TBC1D23: variants seen among roughly 807,000 people sequenced by gnomAD.
TBC1D23 encodes the protein TBC1 domain family member 23.
Under a neutral mutation model 91.4 loss-of-function variants are expected in TBC1D23, and 55 were observed. The observed-to-expected ratio is 0.60, with a 90% CI of 0.48 to 0.75. TBC1D23 has a LOEUF of 0.75. Ranked by LOEUF, TBC1D23 falls within the 30% of genes least tolerant of loss-of-function variation. The pLI, the probability that TBC1D23 is intolerant of heterozygous loss-of-function variation, is 0.00. For missense variants in TBC1D23, 725 were observed against 836.1 expected (o/e 0.87, Z 1.64); for synonymous variants, 289 against 281.0 (o/e 1.03, Z -0.28).
In TBC1D23 at chr3:100,272,327, C is replaced by T. The variant is rs568636402; in HGVS notation, c.54-7322C>T. On this transcript the variant is annotated intron_variant, in intron 1 of 18. Transcript: ENST00000394144. ...TTTCTTAAGTAGCAGTTACTTAATA[C>T]GCTAGAGAAGTAATATGTTTGAGAA... 5.9e-5 allele frequency among the ~76,000 whole-genome samples: 9 copies of T among 152,210 alleles called. No homozygotes were observed. The South Asian group carries it at 8.3e-4, about 14-fold the overall frequency.
intron 4 of TBC1D23, among the ~76,000 whole-genome samples, chr3:100,289,832 G>C (rs956479660): frequency 1.3e-5 from 2 of 152,106 alleles, no homozygotes; most frequent in African/African-American, 2.4e-5. Flanking sequence ...CGGGGGTTTG[G>C]TGTACAGATT....
intron 7 of TBC1D23, 24 bp downstream of exon 7, chr3:100,295,372 A>G: frequency 1.9e-6 from 3 of 1,581,918 alleles, no homozygotes; most frequent in Non-Finnish European, 2.6e-6. Flanking sequence ...AATGTAGTGA[A>G]AACATTTCAG....
intron 4 of TBC1D23, chr3:100,284,175 A>G (rs910443258): frequency 2.3e-5 from 4 of 172,110 alleles, no homozygotes; most frequent in Non-Finnish European, 5.0e-5. Flanking sequence ...TTTTTGCTAA[A>G]TAAGTAGATT....
At position 100,282,308 on chromosome 3, in the gene TBC1D23, C is replaced by A. The variant is rs566864773; in HGVS notation, c.271+461C>A. Among the ~76,000 whole-genome samples the A allele has an allele frequency of 6.1e-4, 93 of 152,262 alleles. No individual in the cohort carries two copies. The Middle Eastern group carries it at 0.01, about 17-fold the overall frequency. On this transcript the variant is annotated intron_variant, in intron 3 of 18. Transcript: ENST00000394144. ...GCCTGGGCACAGAGTGAGACTCTATCTCAAAGAAACAAAAAAGATAACCTA... is the reference window on the plus strand; with the variant it reads ...GCCTGGGCACAGAGTGAGACTCTATATCAAAGAAACAAAAAAGATAACCTA...
intron 12 of TBC1D23, among the ~76,000 whole-genome samples, chr3:100,306,027 G>C (rs889774590): frequency 1.3e-5 from 2 of 152,116 alleles, no homozygotes; most frequent in Non-Finnish European, 2.9e-5. Flanking sequence ...GGCTAACAAT[G>C]CTTCTTTATT....
chr3:100,272,341 T>G (rs1355625383), intron 1 of TBC1D23, among the ~76,000 whole-genome samples: 1 of 152,260 alleles, frequency 6.6e-6, no homozygotes, highest in Non-Finnish European at 1.5e-5. Context: ...AGAGAAGTAA[T>G]ATGTTTGAGA....
At chr3:100,305,408 A>C (rs1433835304) in intron 12 of TBC1D23, among the ~76,000 whole-genome samples, 2 of 152,170 alleles carry the variant, frequency 1.3e-5, no homozygotes, top group Non-Finnish European at 2.9e-5. Context: ...GCAGGCAAGT[A>C]TTGAGAATTT....
intron 4 of TBC1D23, among the ~76,000 whole-genome samples, chr3:100,287,994 C>T (rs1023181773): frequency 2.0e-5 from 3 of 151,948 alleles, no homozygotes; most frequent in East Asian, 1.9e-4. Flanking sequence ...TAATCCCAGC[C>T]ACTTTGGGAG....
At chr3:100,306,083 C>A (rs1050334437) in intron 12 of TBC1D23, among the ~76,000 whole-genome samples, 5 of 152,126 alleles carry the variant, frequency 3.3e-5, no homozygotes, top group Non-Finnish European at 4.4e-5. Context: ...ACAAAAGTCA[C>A]AATCGGTTTT....
At chr3:100,270,591 T>C (rs1264050246) in intron 1 of TBC1D23, among the ~76,000 whole-genome samples, 1 of 152,120 alleles carries the variant, frequency 6.6e-6, no homozygotes, top group Non-Finnish European at 1.5e-5. Context: ...AAGGAGATAA[T>C]CACAGGTTAT....
chr3:100,279,454 T>G, intron 1 of TBC1D23, 195 bp from the exon 2 acceptor site: 1 of 403,372 alleles, frequency 2.5e-6, no homozygotes, highest in Non-Finnish European at 4.6e-6. Flanking sequence ...AAGGGTAAAA[T>G]GAGAGTAAAT....
chr3:100,273,540 A>C (rs2067619507), intron 1 of TBC1D23, among the ~76,000 whole-genome samples: 2 of 152,230 alleles, frequency 1.3e-5, no homozygotes, highest in South Asian at 4.1e-4. Context: ...GTATGGAACC[A>C]AAAAAGAGCC....
intron 1 of TBC1D23, among the ~76,000 whole-genome samples, chr3:100,273,399 T>C (rs1314565937): frequency 1.3e-5 from 2 of 152,238 alleles, no homozygotes; most frequent in Non-Finnish European, 2.9e-5. Context: ...TCTACTTCTT[T>C]CTACACAGAC....
At chr3:100,266,339 G>C (rs2067557649) in intron 1 of TBC1D23, among the ~76,000 whole-genome samples, 1 of 151,956 alleles carries the variant, frequency 6.6e-6, no homozygotes, top group Non-Finnish European at 1.5e-5. Context: ...TGCGATCTTG[G>C]TTCACTGCAT....
chr3:100,309,990 G>C (rs116670280), intron 13 of TBC1D23, among the ~76,000 whole-genome samples: 301 of 152,258 alleles, frequency 2.0e-3, no homozygotes, highest in Middle Eastern at 0.01. Flanking sequence ...ACAAACTGGG[G>C]GCTTAACCAA....
At position 100,319,089 on chromosome 3, in the gene TBC1D23, A is replaced by G. The variant is rs773646253; in HGVS notation, c.1708A>G (p.Met570Val). ...YDTDEIDSSS[M>V]SDDDRKEVVN... ...TATAGATGAAATTGACAGTTCTTCA[A>G]TGTCAGATGATGATAGAAAAGAGGT... Residue 570 changes from methionine (M) to valine (V), a missense_variant, in exon 17 of 19, where the codon ATG becomes GTG. Transcript: ENST00000394144. The G allele has an allele frequency of 1.5e-5, 23 of 1,573,706 alleles. No individual in the cohort carries two copies. Among genetic ancestry groups the G allele is most frequent in the South Asian group, 3.5e-5 (3 of 86,146 alleles).
chr3:100,269,088 C>G (rs1294319102), intron 1 of TBC1D23, among the ~76,000 whole-genome samples: 1 of 152,124 alleles, frequency 6.6e-6, no homozygotes, highest in Non-Finnish European at 1.5e-5. Flanking sequence ...AACACCTGTT[C>G]CATTTGTAGT....
chr3:100,268,149 G>T (rs2067571851), intron 1 of TBC1D23, among the ~76,000 whole-genome samples: 1 of 152,100 alleles, frequency 6.6e-6, no homozygotes, highest in South Asian at 2.1e-4. Context: ...GACAGAGTGA[G>T]ACTCTGTCTC....
chr3:100,314,460 G>A (rs1559815382), intron 15 of TBC1D23, among the ~76,000 whole-genome samples: 2 of 151,952 alleles, frequency 1.3e-5, no homozygotes, highest in Non-Finnish European at 2.9e-5. Context: ...CTATCTTCTG[G>A]GAAATTTGAA....
Sources: gnomAD v4.1 joint callset for allele counts (sites outside exome capture counted in the v4.1 genomes callset) on GRCh38, gnomAD v4.1.1 for gene constraint, MANE v1.5 for transcripts, NCBI Gene and HGNC (gene_info 2026-07-23, HGNC 2026-07-21) for gene names.